The following CACNA1C variants were observed in gnomAD, a reference collection of about 807,000 sequenced individuals.
CACNA1C encodes the protein calcium voltage-gated channel subunit alpha1 C.
Under a neutral mutation model 229.0 loss-of-function variants are expected in CACNA1C, and 30 were observed. That is an observed-to-expected ratio of 0.13 (90% CI 0.10 to 0.18). CACNA1C has a LOEUF of 0.18. Among genes scored for constraint, CACNA1C ranks in the 10% least tolerant of loss-of-function variants. The probability of loss-of-function intolerance (pLI) is 1.00; values close to 1 mark genes in which losing one functional copy is unlikely to be tolerated. For synonymous variants in CACNA1C, 1,114 were observed against 1,132.5 expected, an observed-to-expected ratio of 0.98 and a Z score of 0.33; for missense variants, 1,658 against 2,845.0, an observed-to-expected ratio of 0.58 and a Z score of 9.49.
At chr12:2,279,274 C>CCATT (rs1418225847) in intron 3 of CACNA1C, among the ~76,000 whole-genome samples, 1 of 152,050 alleles carries the variant, frequency 6.6e-6, no homozygotes, top group Non-Finnish European at 1.5e-5. Flanking sequence ...TTCCATTGAT[C>CCATT]CATTTGTCTA....
chr12:2,668,661 A>C, intron 37 of CACNA1C: 1 of 391,272 alleles, frequency 2.6e-6, no homozygotes. Flanking sequence ...ACAGGGAGCA[A>C]GAGAGAAGGG....
intron 21 of CACNA1C, among the ~76,000 whole-genome samples, chr12:2,599,790 C>T (rs1318123703): frequency 1.3e-5 from 2 of 152,208 alleles, no homozygotes; most frequent in Non-Finnish European, 2.9e-5. Flanking sequence ...GCCCTGAACA[C>T]CACAGATGAC....
chr12:2,583,352 T>C (rs1286743235), intron 15 of CACNA1C, among the ~76,000 whole-genome samples: 4 of 152,168 alleles, frequency 2.6e-5, no homozygotes, highest in Non-Finnish European at 4.4e-5. Context: ...GACCTTCAGC[T>C]CTCCTCCTGC....
intron 29 of CACNA1C, among the ~76,000 whole-genome samples, chr12:2,631,270 C>A (rs2090275350): frequency 6.6e-6 from 1 of 152,176 alleles, no homozygotes; most frequent in Non-Finnish European, 1.5e-5. Context: ...ACACCTTCCT[C>A]TCTCTCCTCC....
In CACNA1C at chr12:2,678,030, T is replaced by C; in HGVS notation, c.5091+163T>C. 1.3e-6 allele frequency: 1 copy of C among 756,758 alleles called. No homozygotes were observed. The allele number at this position is 756,758 out of a possible 1,614,324, so 46.9% of individuals were successfully genotyped here. The stretch of plus-strand genomic sequence containing the variant: ...AGCTGTCTCCTCACCCCTTTGCCTT[T>C]TCCAAGCCTGACTCCATCCCAAGGC... On this transcript the variant is annotated intron_variant, in intron 41 of 46. Transcript: ENST00000399655. This position sits in a 1 kb window ranked among gnomAD's most constrained non-coding sequence, Gnocchi z 4.1.
intron 7 of CACNA1C, among the ~76,000 whole-genome samples, chr12:2,503,266 G>A (rs941289755): frequency 1.4e-4 from 22 of 152,140 alleles, no homozygotes; most frequent in Non-Finnish European, 2.5e-4. Context: ...TCGTCCGTGG[G>A]CCACACTTTG....
rs1486953259 is a variant in CACNA1C at position 2,282,512 on chromosome 12, CT to C, written c.477+162083del. Among the ~76,000 whole-genome samples, 4 of 152,336 alleles carry C rather than the reference CT, an allele frequency of 2.6e-5. No homozygotes were observed. The East Asian group carries it at 7.7e-4, about 29-fold the overall frequency. On this transcript the variant is annotated intron_variant, in intron 3 of 46. Coordinates refer to ENST00000399655, the MANE Select transcript of CACNA1C (RefSeq NM_000719.7). ...CACCCGGAAGAAAACTCAGGCTCCCCTGTAGGCCTGGAAAGCTTTGTCTGAG... is the reference window on the plus strand; with the variant it reads ...CACCCGGAAGAAAACTCAGGCTCCCCGTAGGCCTGGAAAGCTTTGTCTGAG...
chr12:2,372,986 G>A (rs967523693), intron 3 of CACNA1C, among the ~76,000 whole-genome samples: 2 of 152,258 alleles, frequency 1.3e-5, no homozygotes, highest in African/African-American at 2.4e-5. Context: ...AGGAATGCAC[G>A]GTGTTGGCTT....
Position 2,493,488 on chromosome 12 carries a change from T to C in CACNA1C, c.1113+102T>C. 1.2e-6 allele frequency: 1 copy of C among 835,988 alleles called. No individual in the cohort carries two copies. The highest frequency in any genetic ancestry group is 2.0e-6 in the Non-Finnish European group (1 of 504,620). 51.8% of individuals were successfully genotyped at this position (835,988 alleles called of 1,614,324 possible). A position where few individuals can be genotyped will look rare whatever the true frequency, so the allele number is the denominator to read the frequency against. On this transcript the variant is annotated intron_variant, in intron 7 of 46. Coordinates refer to ENST00000399655, the MANE Select transcript of CACNA1C (RefSeq NM_000719.7). The surrounding 1 kb of genome is among the most constrained non-coding windows in gnomAD (Gnocchi z 4.6). The stretch of plus-strand genomic sequence containing the variant: ...TCCTCCCCATGGTCTTGGGGTCACA[T>C]ACGCATCTTGATGGAATGGTTGATG...
intron 1 of CACNA1C, among the ~76,000 whole-genome samples, chr12:1,985,759 A>G (rs2037508129): frequency 6.6e-6 from 1 of 152,174 alleles, no homozygotes; most frequent in Non-Finnish European, 1.5e-5. Flanking sequence ...AGGTTTAGAT[A>G]AGAAGCTCTG....
chr12:2,555,707 T>G (rs1317814130), intron 10 of CACNA1C, among the ~76,000 whole-genome samples: 1 of 152,232 alleles, frequency 6.6e-6, no homozygotes, highest in Non-Finnish European at 1.5e-5. Flanking sequence ...AGCTAACCGT[T>G]CGGAGCAGTA....
At chr12:2,433,419 C>G (rs566486603) in intron 3 of CACNA1C, among the ~76,000 whole-genome samples, 4 of 151,408 alleles carry the variant, frequency 2.6e-5, no homozygotes, top group Non-Finnish European at 5.9e-5. Context: ...GTGCCCTGGA[C>G]CCATGCCTGC....
intron 3 of CACNA1C, among the ~76,000 whole-genome samples, chr12:2,343,333 A>T (rs1007870857): frequency 3.3e-5 from 5 of 152,222 alleles, no homozygotes; most frequent in African/African-American, 1.2e-4. Flanking sequence ...GGCTGTTCAC[A>T]ACCTTTTTCT....
intron 3 of CACNA1C, among the ~76,000 whole-genome samples, chr12:2,226,123 GCGCACA>G (rs1030124829): frequency 1.1e-4 from 10 of 93,002 alleles, no homozygotes; most frequent in African/African-American, 4.3e-4. Context: ...ATATGGGGAC[GCGCACA>G]CACACACACA....
At chr12:2,253,758 C>A (rs566485873) in intron 3 of CACNA1C, among the ~76,000 whole-genome samples, 2 of 152,326 alleles carry the variant, frequency 1.3e-5, no homozygotes, top group South Asian at 4.1e-4. Context: ...GTTTAAGTAG[C>A]GCTTACCACT....
chr12:2,119,144 G>A (rs2085347142), intron 2 of CACNA1C, among the ~76,000 whole-genome samples: 1 of 152,220 alleles, frequency 6.6e-6, no homozygotes, highest in African/African-American at 2.4e-5. Flanking sequence ...GTGGGGCCTT[G>A]GGAAAGTTCC....
intron 3 of CACNA1C, among the ~76,000 whole-genome samples, chr12:2,245,628 G>A (rs1429678895): frequency 2.0e-5 from 3 of 152,068 alleles, no homozygotes; most frequent in African/African-American, 7.3e-5. Flanking sequence ...CAGATCCATA[G>A]CCATTTCTCT....
At chr12:2,306,956 A>G (rs1416362555) in intron 3 of CACNA1C, among the ~76,000 whole-genome samples, 2 of 152,140 alleles carry the variant, frequency 1.3e-5, no homozygotes, top group Admixed American at 6.5e-5. Context: ...TGCTGTTGGC[A>G]CTTCCCCAGC....
intron 30 of CACNA1C, among the ~76,000 whole-genome samples, chr12:2,637,933 A>G (rs967972180): frequency 6.6e-6 from 1 of 152,124 alleles, no homozygotes; most frequent in Admixed American, 6.5e-5. Flanking sequence ...TATTCCCCAC[A>G]TTTAAACTCG....
Sources: gnomAD v4.1 joint callset for allele counts (sites outside exome capture counted in the v4.1 genomes callset) on GRCh38, gnomAD v4.1.1 for gene constraint, Gnocchi (gnomAD v3.1) non-coding constraint, MANE v1.5 for transcripts, NCBI Gene and HGNC (gene_info 2026-07-23, HGNC 2026-07-21) for gene names.